The following RP1L1 variants were observed in gnomAD, a reference collection of about 807,000 sequenced individuals.
The protein encoded by RP1L1 is RP1 like 1.
RP1L1 carries 27 observed loss-of-function variants against 15.7 expected under a neutral mutation model. The observed-to-expected ratio is 1.72, with a 90% confidence interval of 1.27 to 2.38. The LOEUF is 2.38. RP1L1 is among the 30% of genes most tolerant of loss of function. The pLI, the probability that RP1L1 is intolerant of heterozygous loss-of-function variation, is 0.00. For missense variants in RP1L1, 4,798 were observed against 3,075.9 expected, an observed-to-expected ratio of 1.56 and a Z score of -13.24; for synonymous variants, 1,813 against 1,276.7, an observed-to-expected ratio of 1.42 and a Z score of -8.96.
chr8:10,631,304 TGC>T (rs1449115698), intron 1 of RP1L1, among the ~76,000 whole-genome samples: 1 of 83,930 alleles, frequency 1.2e-5, no homozygotes, highest in East Asian at 9.0e-4. Context: ...CAAACACGCA[TGC>T]ACACACACGC....
rs370486258 is a variant in RP1L1, at chr8:10,613,251, G to T, written c.847C>A (p.Pro283Thr). 3.7e-6 allele frequency: 6 copies of T among 1,611,566 alleles called. No homozygotes were observed. The highest frequency in any genetic ancestry group is 5.1e-6 in the Non-Finnish European group (6 of 1,180,020). Reference protein sequence around the residue: ...RLPERPGPSNPPVGPAPGRHP... With the variant: ...RLPERPGPSNTPVGPAPGRHP... ...CTGCCAGGAGCAGGGCCCACCGGGG[G>T]GTTGCTAGGACCAGGCCTTTCTGGC... The change falls in exon 4 of 4, where the codon CCC becomes ACC. Residue 283 changes from proline (P) to threonine (T), a missense_variant. By Grantham distance (38) the Pro-to-Thr change is conservative (BLOSUM62 -1). Transcript: ENST00000382483.
chr8:10,606,580 C>G lies in RP1L1; in HGVS notation c.*315G>C, dbSNP rs551925630. 5.5e-6 allele frequency: 2 copies of G among 365,480 alleles called. No homozygotes were observed. The highest frequency in any genetic ancestry group is 6.8e-5 in the South Asian group (2 of 29,276). The allele number at this position is 365,480 out of a possible 1,614,324, so 22.6% of individuals were successfully genotyped here. ...CCCACAAACAAAAGCTAAACTGGAG[C>G]CTTTCCAATCAGTTCCATCTTTCGG... On this transcript the variant is annotated 3_prime_UTR_variant, in exon 4 of 4. Coordinates refer to ENST00000382483, the MANE Select transcript of RP1L1 (RefSeq NM_178857.6).
At position 10,612,521 on chromosome 8, in the gene RP1L1, C is replaced by T. The variant is rs748858444; in HGVS notation, c.1577G>A (p.Arg526Gln). ...EQGGRLTPRA[R>Q]SEEGASSDSS... The stretch of plus-strand genomic sequence containing the variant: ...GTCCGAAGAAGCCCCCTCCTCACTC[C>T]GGGCCCTCGGTGTCAGGCGGCCGCC... Residue 526 changes from arginine to glutamine, a missense_variant, in exon 4 of 4, where the codon CGG becomes CAG. Transcript: ENST00000382483. The T allele has an allele frequency of 1.4e-5, 23 of 1,611,016 alleles. No individual in the cohort carries two copies. Among genetic ancestry groups the T allele is most frequent in the Admixed American group, 3.3e-5 (2 of 59,984 alleles).
intron 1 of RP1L1, among the ~76,000 whole-genome samples, chr8:10,639,600 C>T (rs1798379748): frequency 6.6e-6 from 1 of 152,166 alleles, no homozygotes; most frequent in African/African-American, 2.4e-5. Flanking sequence ...TCTTCAACAC[C>T]TGACCCTGAG....
intron 1 of RP1L1, among the ~76,000 whole-genome samples, chr8:10,623,789 C>T (rs960948702): frequency 3.1e-4 from 47 of 151,024 alleles, no homozygotes; most frequent in Non-Finnish European, 2.4e-4. Flanking sequence ...CAGCACAGCA[C>T]CACATGTCCC....
intron 1 of RP1L1, among the ~76,000 whole-genome samples, chr8:10,630,981 G>A (rs1431681427): frequency 1.3e-5 from 2 of 152,200 alleles, no homozygotes; most frequent in African/African-American, 4.8e-5. Flanking sequence ...CCCCTTTGCA[G>A]GTAGAGTCTT....
chr8:10,614,838 T>C (rs1797939854), intron 3 of RP1L1, among the ~76,000 whole-genome samples: 1 of 152,026 alleles, frequency 6.6e-6, no homozygotes, highest in Non-Finnish European at 1.5e-5. Flanking sequence ...GACGAGTTAA[T>C]GGGTGCAGCA....
intron 1 of RP1L1, among the ~76,000 whole-genome samples, chr8:10,647,013 T>A (rs780249626): frequency 8.5e-5 from 13 of 152,218 alleles, no homozygotes; most frequent in Non-Finnish European, 1.5e-4. Context: ...AGGCAGTGCC[T>A]GACCAGCAGA....
Position 10,609,520 on chromosome 8 carries a change from C to A in RP1L1, c.4578G>T (p.Thr1526=). The A allele has an allele frequency of 1.2e-6, 2 of 1,608,784 alleles. No homozygotes were observed. The highest frequency in any genetic ancestry group is 1.7e-6 in the Non-Finnish European group (2 of 1,178,406). Reference sequence around the variant, plus strand: ...CAAGGTGGGCCAGGAAGGCCTTCTCCGTCTTCTTCAGTAACACGGACACCC... The same window carrying A: ...CAAGGTGGGCCAGGAAGGCCTTCTCAGTCTTCTTCAGTAACACGGACACCC... The part of the protein sequence containing the change: ...PIWVSVLLKK[T]EKAFLAHLAS... The change falls in exon 4 of 4, where the codon ACG becomes ACT. Residue 1526 remains threonine, a synonymous_variant. Coordinates refer to ENST00000382483, the MANE Select transcript of RP1L1 (RefSeq NM_178857.6).
intron 1 of RP1L1, among the ~76,000 whole-genome samples, chr8:10,633,283 C>T (rs549385389): frequency 2.0e-5 from 3 of 152,322 alleles, no homozygotes; most frequent in Admixed American, 2.0e-4. Context: ...TCCCTCTACT[C>T]TCTGATCTCC....
At chr8:10,616,949 G>A (rs1263585230) in intron 2 of RP1L1, among the ~76,000 whole-genome samples, 4 of 152,146 alleles carry the variant, frequency 2.6e-5, no homozygotes, top group African/African-American at 4.8e-5. Flanking sequence ...GGAGCAGCAC[G>A]CCCTCCAGCT....
intron 1 of RP1L1, among the ~76,000 whole-genome samples, chr8:10,631,996 G>A (rs1462151328): frequency 6.6e-6 from 1 of 152,242 alleles, no homozygotes; most frequent in Non-Finnish European, 1.5e-5. Flanking sequence ...CCTTGAGAAT[G>A]TTTTTGTCAT....
chr8:10,613,138 GCT>G lies in RP1L1; in HGVS notation c.958_959del (p.Ser320ProfsTer86). The G allele has an allele frequency of 7.4e-6, 12 of 1,613,900 alleles. No individual in the cohort carries two copies. Among genetic ancestry groups the G allele is most frequent in the Non-Finnish European group, 1.0e-5 (12 of 1,180,038 alleles). ...AGCGGACTTTCATCTCCACGGACAGGCTGCCGTCCTCATTCATGCGGACCTTC... is the reference window on the plus strand; with the variant it reads ...AGCGGACTTTCATCTCCACGGACAGGGCCGTCCTCATTCATGCGGACCTTC... Reference protein sequence around the residue: ...KKKVRMNEDGSLSVEMKVRFH... With the variant: ...KKKVRMNEDGXLSVEMKVRFH... On this transcript the variant is annotated frameshift_variant, in exon 4 of 4. Coordinates refer to ENST00000382483, the MANE Select transcript of RP1L1 (RefSeq NM_178857.6). LOFTEE classifies it low-confidence loss of function (END_TRUNC).
intron 2 of RP1L1, chr8:10,621,762 T>G (rs547756229): frequency 2.0e-6 from 1 of 508,350 alleles, no homozygotes; most frequent in South Asian, 1.4e-5. Context: ...GAATTTCATG[T>G]CCGGCAGAAC....
chr8:10,610,909 C>G lies in RP1L1; in HGVS notation c.3189G>C (p.Glu1063Asp), dbSNP rs368857958. 42 of 1,610,886 alleles carry G rather than the reference C, an allele frequency of 2.6e-5. No individual in the cohort carries two copies. Among genetic ancestry groups the G allele is most frequent in the Middle Eastern group, 1.6e-4 (1 of 6,066 alleles). Residue 1063 changes from glutamate (E) to aspartate (D), a missense_variant, in exon 4 of 4, where the codon GAG becomes GAC. Transcript: ENST00000382483. ...EAPAEAGADREAPAGCRVSLR... is the reference protein window; with the variant it reads ...EAPAEAGADRDAPAGCRVSLR... ...GGCTCACCCTGCAGCCTGCTGGGGC[C>G]TCTCTGTCTGCTCCGGCCTCTGCAG...
intron 1 of RP1L1, among the ~76,000 whole-genome samples, chr8:10,636,786 C>G (rs1798336543): frequency 6.6e-6 from 1 of 152,232 alleles, no homozygotes; most frequent in South Asian, 2.1e-4. Context: ...GACCCCTCCC[C>G]TGCCCAGCAG....
In RP1L1 at chr8:10,613,010, T is replaced by A. The variant is rs529867022; in HGVS notation, c.1088A>T (p.Asp363Val). ...SGEDPVLGEVDPLCCVWEGYP... is the reference protein window; with the variant it reads ...SGEDPVLGEVVPLCCVWEGYP... ...GCCCTCCCACACACAGCAGAGGGGG[T>A]CTACCTCCCCCAGAACGGGGTCTTC... The change falls in exon 4 of 4, where the codon GAC (aspartate) becomes GTC (valine). Residue 363 changes from aspartate (D) to valine (V), a missense_variant. Physicochemically the swap from Asp to Val is radical, Grantham distance 152. Transcript: ENST00000382483. 1.2e-6 allele frequency: 2 copies of A among 1,613,008 alleles called. No homozygotes were observed. Among genetic ancestry groups the A allele is most frequent in the Admixed American group, 1.7e-5 (1 of 60,010 alleles).
At position 10,609,944 on chromosome 8, in the gene RP1L1, A is replaced by G; in HGVS notation, c.4154T>C (p.Leu1385Pro). Residue 1385 changes from leucine (L) to proline (P), a missense_variant, in exon 4 of 4, where the codon CTG becomes CCG. Physicochemically the swap from Leu to Pro is moderately conservative, Grantham distance 98. Transcript: ENST00000382483. ...EEVKEGPEGG[L>P]QGEALEEGLK... ...ACCCTCTTCAAGAGCCTCTCCTTGC[A>G]GTCCTCCTTCTGGCCCTTCTTTAAC... 1 of 1,575,270 alleles carries G rather than the reference A, an allele frequency of 6.3e-7. No homozygotes were observed. The highest frequency in any genetic ancestry group is 8.7e-7 in the Non-Finnish European group (1 of 1,153,426).
intron 1 of RP1L1, among the ~76,000 whole-genome samples, chr8:10,623,979 C>A (rs1288850682): frequency 2.0e-5 from 3 of 151,690 alleles, no homozygotes; most frequent in Non-Finnish European, 2.9e-5. Flanking sequence ...TCCCCAGCAC[C>A]TCCATGTCCC....
Sources: gnomAD v4.1 joint callset for allele counts (sites outside exome capture counted in the v4.1 genomes callset) on GRCh38, gnomAD v4.1.1 for gene constraint, MANE v1.5 for transcripts, NCBI Gene and HGNC (gene_info 2026-07-23, HGNC 2026-07-21) for gene names.